CACNA2D3: variants seen among roughly 807,000 people sequenced by gnomAD.
The protein encoded by CACNA2D3 is calcium voltage-gated channel auxiliary subunit alpha2delta 3.
Under a neutral mutation model 160.6 loss-of-function variants are expected in CACNA2D3, and 60 were observed. That is an observed-to-expected ratio of 0.37 (90% CI 0.30 to 0.46). CACNA2D3 has a LOEUF of 0.46. CACNA2D3 is among the 20% of genes least tolerant of loss of function. The probability of loss-of-function intolerance (pLI) is 1.00; values close to 1 mark genes in which losing one functional copy is unlikely to be tolerated. For missense variants in CACNA2D3, 1,205 were observed against 1,365.0 expected, an observed-to-expected ratio of 0.88 and a Z score of 1.85; for synonymous variants, 558 against 492.9, an observed-to-expected ratio of 1.13 and a Z score of -1.75.
chr3:54,460,181 G>C (rs1245213399), intron 4 of CACNA2D3, among the ~76,000 whole-genome samples: 2 of 151,964 alleles, frequency 1.3e-5, no homozygotes, highest in African/African-American at 4.8e-5. Flanking sequence ...CTGTAGCCTT[G>C]TAGTATAGTT....
intron 34 of CACNA2D3, among the ~76,000 whole-genome samples, chr3:55,009,892 T>C (rs1703173500): frequency 1.3e-5 from 2 of 151,676 alleles, no homozygotes; most frequent in African/African-American, 4.9e-5. Flanking sequence ...TTGAGGAGGG[T>C]GTAATTAGTA....
At chr3:54,882,855 G>A (rs1287127961) in intron 21 of CACNA2D3, among the ~76,000 whole-genome samples, 1 of 152,172 alleles carries the variant, frequency 6.6e-6, no homozygotes, top group African/African-American at 2.4e-5. Flanking sequence ...CAGAATGTGG[G>A]AATTTTCCAC....
At chr3:54,916,717 C>G (rs185072974) in intron 27 of CACNA2D3, among the ~76,000 whole-genome samples, 1 of 152,238 alleles carries the variant, frequency 6.6e-6, no homozygotes, top group East Asian at 1.9e-4. Flanking sequence ...TAGGTTCACC[C>G]GTTTCCCTGC....
intron 3 of CACNA2D3, among the ~76,000 whole-genome samples, chr3:54,360,724 T>A (rs1698727576): frequency 6.6e-6 from 1 of 152,198 alleles, no homozygotes; most frequent in Non-Finnish European, 1.5e-5. Context: ...TCTACACATA[T>A]TTCTTGGGGC....
At chr3:54,899,334 A>C (rs991909597) in intron 26 of CACNA2D3, among the ~76,000 whole-genome samples, 2 of 152,224 alleles carry the variant, frequency 1.3e-5, no homozygotes, top group Non-Finnish European at 2.9e-5. Flanking sequence ...AATTTTATAG[A>C]TCAGTAAAGA....
chr3:54,149,920 T>TCTCG (rs1700109960), intron 2 of CACNA2D3, among the ~76,000 whole-genome samples: 1 of 77,232 alleles, frequency 1.3e-5, no homozygotes. Flanking sequence ...TCTCTCTCTC[T>TCTCG]CTCTCTCTCT....
chr3:54,468,998 G>C lies in CACNA2D3; in HGVS notation c.382-34494G>C, dbSNP rs534739654. ...GGGGGATGGGGTGGCTGTGGGTACAGCTTCAGCAGACTTAAATGTTCCCGC... is the reference window on the plus strand; with the variant it reads ...GGGGGATGGGGTGGCTGTGGGTACACCTTCAGCAGACTTAAATGTTCCCGC... On this transcript the variant is annotated intron_variant, in intron 4 of 37. Coordinates refer to ENST00000474759, the MANE Select transcript of CACNA2D3 (RefSeq NM_018398.3). 1.7e-4 allele frequency among the ~76,000 whole-genome samples: 26 copies of C among 151,978 alleles called. No individual in the cohort carries two copies. The South Asian group carries it at 5.4e-3, about 32-fold the overall frequency.
intron 5 of CACNA2D3, among the ~76,000 whole-genome samples, chr3:54,508,834 G>T (rs1021593260): frequency 2.0e-5 from 3 of 152,162 alleles, no homozygotes; most frequent in Non-Finnish European, 4.4e-5. Context: ...AAAATGAAAA[G>T]AGCTCCAGGA....
In CACNA2D3 at chr3:54,517,789, G is replaced by A. The variant is rs112968387; in HGVS notation, c.544+14135G>A. Among the ~76,000 whole-genome samples, 490 of 152,232 alleles carry A rather than the reference G, an allele frequency of 3.2e-3. 4 individuals are homozygous for A. The highest frequency in any genetic ancestry group is 0.011 in the African/African-American group (464 of 41,540). On this transcript the variant is annotated intron_variant, in intron 5 of 37. Transcript: ENST00000474759. Reference sequence around the variant, plus strand: ...TGCCTTGCCTTGGGCTCACCTTCCTGTTGCTCCAACCCTGCCTCCCTCCTT... The same window carrying A: ...TGCCTTGCCTTGGGCTCACCTTCCTATTGCTCCAACCCTGCCTCCCTCCTT...
chr3:54,453,304 T>G (rs1409161976), intron 4 of CACNA2D3, among the ~76,000 whole-genome samples: 1 of 152,154 alleles, frequency 6.6e-6, no homozygotes, highest in East Asian at 1.9e-4. Flanking sequence ...CCTTTTCTTA[T>G]AAGGACAGCG....
At chr3:54,376,739 C>T (rs1057140367) in intron 3 of CACNA2D3, among the ~76,000 whole-genome samples, 12 of 152,166 alleles carry the variant, frequency 7.9e-5, no homozygotes, top group Non-Finnish European at 2.9e-5. Flanking sequence ...GACATTTACT[C>T]AATGCCAAGA....
chr3:54,829,241 G>GTATC (rs1433189079), intron 14 of CACNA2D3, among the ~76,000 whole-genome samples: 1 of 152,152 alleles, frequency 6.6e-6, no homozygotes, highest in East Asian at 1.9e-4. Context: ...AAAGGTGTCT[G>GTATC]TATCTCTACT....
At chr3:54,682,057 G>T (rs1363933682) in intron 11 of CACNA2D3, among the ~76,000 whole-genome samples, 3 of 151,834 alleles carry the variant, frequency 2.0e-5, no homozygotes, top group African/African-American at 7.3e-5. Flanking sequence ...AACAAATATG[G>T]GGGGGATTTG....
chr3:54,563,873 C>T (rs545213519), intron 6 of CACNA2D3, among the ~76,000 whole-genome samples: 9 of 152,322 alleles, frequency 5.9e-5, no homozygotes, highest in African/African-American at 1.9e-4. Flanking sequence ...ATCTGACCCT[C>T]GAGAATTGCC....
chr3:54,633,949 G>A (rs1035699432), intron 10 of CACNA2D3, among the ~76,000 whole-genome samples: 8 of 152,024 alleles, frequency 5.3e-5, no homozygotes, highest in Non-Finnish European at 8.8e-5. Context: ...ATGGTACCCC[G>A]TGCGTGATTC....
At chr3:54,999,706 AC>A (rs1304716951) in intron 31 of CACNA2D3, among the ~76,000 whole-genome samples, 1 of 152,166 alleles carries the variant, frequency 6.6e-6, no homozygotes, top group Non-Finnish European at 1.5e-5. Flanking sequence ...GTTGCTAACC[AC>A]CCCTAAATTA....
intron 4 of CACNA2D3, among the ~76,000 whole-genome samples, chr3:54,492,780 A>C (rs1701131333): frequency 1.3e-5 from 2 of 152,086 alleles, no homozygotes; most frequent in Non-Finnish European, 2.9e-5. Flanking sequence ...TATTTCCCAA[A>C]CTTTGTTCAT....
intron 4 of CACNA2D3, among the ~76,000 whole-genome samples, chr3:54,482,727 C>G (rs1397144501): frequency 4.6e-5 from 7 of 152,182 alleles, no homozygotes; most frequent in African/African-American, 1.7e-4. Flanking sequence ...GGTCTCGGAG[C>G]TCTCCAGGCA....
intron 11 of CACNA2D3, among the ~76,000 whole-genome samples, chr3:54,734,822 A>G (rs1263337802): frequency 6.6e-6 from 1 of 152,218 alleles, no homozygotes; most frequent in Non-Finnish European, 1.5e-5. Flanking sequence ...ATAACAAAAG[A>G]ATGAACTGGT....
Sources: allele counts gnomAD v4.1 joint callset (sites outside exome capture counted in the v4.1 genomes callset), GRCh38; gene constraint gnomAD v4.1.1; transcripts MANE v1.5; gene names NCBI Gene and HGNC (gene_info 2026-07-23, HGNC 2026-07-21).